Variants in NOL4 observed in about 807,000 individuals in gnomAD.
NOL4 encodes the protein nucleolar protein 4, also known as cancer/testis antigen 125.
A neutral mutation model predicts 75.9 loss-of-function variants in NOL4; 17 were observed. The ratio of observed to expected loss-of-function variants is 0.22; its 90% CI spans 0.15 to 0.34. The LOEUF (loss-of-function observed/expected upper bound fraction) is 0.34. Ranked by LOEUF, NOL4 falls within the 10% of genes least tolerant of loss-of-function variation. NOL4 has a pLI of 1.00. For synonymous variants in NOL4, 292 were observed against 289.9 expected (o/e 1.01, Z -0.07); for missense variants, 614 against 793.5 (o/e 0.77, Z 2.72).
chr18:33,905,480 T>C (rs2065982169), intron 9 of NOL4, among the ~76,000 whole-genome samples: 1 of 152,190 alleles, frequency 6.6e-6, no homozygotes, highest in South Asian at 2.1e-4. Flanking sequence ...AAGTTACTCA[T>C]TCACAAAAGG....
At chr18:34,210,303 T>C (rs183023710) in intron 1 of NOL4, among the ~76,000 whole-genome samples, 1 of 152,316 alleles carries the variant, frequency 6.6e-6, no homozygotes, top group Admixed American at 6.5e-5. Flanking sequence ...TAATTACTTG[T>C]AAAGCAATCT....
intron 9 of NOL4, among the ~76,000 whole-genome samples, chr18:33,904,889 T>C (rs1053483657): frequency 6.6e-6 from 1 of 152,186 alleles, no homozygotes; most frequent in African/African-American, 2.4e-5. Flanking sequence ...AGGGAAGCTG[T>C]AACTCATTCC....
At chr18:34,120,875 A>T (rs538592467) in intron 2 of NOL4, among the ~76,000 whole-genome samples, 3 of 152,324 alleles carry the variant, frequency 2.0e-5, no homozygotes, top group South Asian at 4.1e-4. Context: ...ATTTGGTACT[A>T]TATCAGTATA....
At chr18:34,222,030 T>C (rs2037347498) in intron 1 of NOL4, 2 of 1,535,514 alleles carry the variant, frequency 1.3e-6, no homozygotes, top group Non-Finnish European at 8.7e-7. Context: ...CGTGGCATGA[T>C]GCAGAAAGGT....
At position 34,192,400 on chromosome 18, in the gene NOL4, G is replaced by T. The variant is rs79482945; in HGVS notation, c.264+30590C>A. The stretch of plus-strand genomic sequence containing the variant: ...ATAATACCACAAAAGATGCAAAATA[G>T]CCAAAGCAATCTTGAGCAAAACCAA... On this transcript the variant is annotated intron_variant, in intron 1 of 10. Transcript: ENST00000261592. Among the ~76,000 whole-genome samples the T allele has an allele frequency of 6.8e-3, 1,041 of 152,138 alleles. 13 individuals are homozygous for T. Among genetic ancestry groups the T allele is most frequent in the African/African-American group, 0.023 (951 of 41,506 alleles).
intron 4 of NOL4, among the ~76,000 whole-genome samples, chr18:34,100,938 A>G (rs1365211605): frequency 2.6e-5 from 4 of 152,122 alleles, no homozygotes; most frequent in Non-Finnish European, 5.9e-5. Context: ...AATGTTTTCT[A>G]CCCACAGTTT....
At chr18:34,018,991 A>T (rs940384364) in intron 6 of NOL4, among the ~76,000 whole-genome samples, 1 of 152,174 alleles carries the variant, frequency 6.6e-6, no homozygotes, top group Non-Finnish European at 1.5e-5. Context: ...AAAATTGTGT[A>T]CCGAGACTGA....
At chr18:34,020,187 G>A (rs772834486) in intron 5 of NOL4, among the ~76,000 whole-genome samples, 2 of 151,648 alleles carry the variant, frequency 1.3e-5, no homozygotes, top group Non-Finnish European at 2.9e-5. Context: ...CAACGCAAAT[G>A]GGCTAACACA....
At chr18:34,062,382 T>C (rs2077099018) in intron 5 of NOL4, among the ~76,000 whole-genome samples, 1 of 152,056 alleles carries the variant, frequency 6.6e-6, no homozygotes, top group South Asian at 2.1e-4. Flanking sequence ...CACTGAATAA[T>C]GCTAGATCTC....
At chr18:34,198,910 C>T (rs1338636267) in intron 1 of NOL4, among the ~76,000 whole-genome samples, 1 of 151,826 alleles carries the variant, frequency 6.6e-6, no homozygotes, top group Non-Finnish European at 1.5e-5. Context: ...CTGTTGGAAT[C>T]CTAGGGGCCT....
intron 6 of NOL4, among the ~76,000 whole-genome samples, chr18:33,996,753 CG>C (rs1176941052): frequency 6.6e-6 from 1 of 151,794 alleles, no homozygotes; most frequent in Non-Finnish European, 1.5e-5. Context: ...TCTTCTTTTA[CG>C]GCTGCATAGT....
chr18:33,870,877 G>GAAATAATT (rs1434235674), intron 10 of NOL4, among the ~76,000 whole-genome samples: 1 of 151,980 alleles, frequency 6.6e-6, no homozygotes, highest in Non-Finnish European at 1.5e-5. Context: ...TAAATTATAA[G>GAAATAATT]AAATAATTTG....
chr18:34,135,135 CT>C (rs1005954873), intron 1 of NOL4, among the ~76,000 whole-genome samples: 1 of 151,888 alleles, frequency 6.6e-6, no homozygotes, highest in African/African-American at 2.4e-5. Flanking sequence ...GTGAAAACAA[CT>C]TTTTAAATGA....
At chr18:33,868,453 T>C (rs1032238262) in intron 10 of NOL4, among the ~76,000 whole-genome samples, 1 of 152,078 alleles carries the variant, frequency 6.6e-6, no homozygotes, top group African/African-American at 2.4e-5. Flanking sequence ...ATCACATTTA[T>C]ATACTCTATT....
intron 5 of NOL4, among the ~76,000 whole-genome samples, chr18:34,061,433 G>T (rs114753380): frequency 0.027 from 4,037 of 152,224 alleles, 197 homozygotes; most frequent in African/African-American, 0.092. Context: ...GTGATTATAA[G>T]TTGAGACAGT....
intron 6 of NOL4, among the ~76,000 whole-genome samples, chr18:33,974,176 T>C (rs541553142): frequency 6.6e-6 from 1 of 152,200 alleles, no homozygotes; most frequent in Non-Finnish European, 1.5e-5. Context: ...TGCATGTTTA[T>C]GTTCTGGTGA....
At chr18:34,116,340 C>T (rs1600645569) in intron 2 of NOL4, among the ~76,000 whole-genome samples, 1 of 152,092 alleles carries the variant, frequency 6.6e-6, no homozygotes, top group Admixed American at 6.6e-5. Context: ...GAAAATCCCA[C>T]GGACAAATAT....
At chr18:33,998,243 G>A (rs1055228151) in intron 6 of NOL4, among the ~76,000 whole-genome samples, 4 of 151,972 alleles carry the variant, frequency 2.6e-5, no homozygotes, top group African/African-American at 9.7e-5. Context: ...CCACTGAAAT[G>A]TACACTTTAA....
chr18:33,892,936 T>G (rs1162916271), intron 9 of NOL4, among the ~76,000 whole-genome samples: 1 of 152,104 alleles, frequency 6.6e-6, no homozygotes, highest in Non-Finnish European at 1.5e-5. Flanking sequence ...GTGCTGGAAT[T>G]ATAGGAATGA....
Sources: allele counts gnomAD v4.1 joint callset (sites outside exome capture counted in the v4.1 genomes callset), GRCh38; gene constraint gnomAD v4.1.1; transcripts MANE v1.5; gene names NCBI Gene and HGNC (gene_info 2026-07-23, HGNC 2026-07-21).